KIRREL3: variants seen among roughly 807,000 people sequenced by gnomAD.
KIRREL3 encodes kirre like nephrin family adhesion molecule 3.
A neutral mutation model predicts 89.7 loss-of-function variants in KIRREL3; 36 were observed. That is an observed-to-expected ratio of 0.40 (90% CI 0.31 to 0.53). The LOEUF (loss-of-function observed/expected upper bound fraction) is 0.53. Among genes scored for constraint, KIRREL3 ranks in the 20% least tolerant of loss-of-function variants. KIRREL3 has a pLI of 0.49. For synonymous variants in KIRREL3, 445 were observed against 441.4 expected (o/e 1.01, Z -0.10); for missense variants, 864 against 1,056.6 (o/e 0.82, Z 2.53).
rs6144553 is a variant in KIRREL3, at chr11:126,821,329, G to GTATATATATATATATA, written c.55+179110_55+179125dup. On this transcript the variant is annotated intron_variant, in intron 1 of 16. Coordinates refer to ENST00000525144, the MANE Select transcript of KIRREL3 (RefSeq NM_032531.4). ...TTTCATGGGTCAACGGATAAACACA[G>GTATATATATATATATA]TATATATATATATATATATATATGT... is the stretch of plus-strand genomic sequence containing the variant. Among the ~76,000 whole-genome samples the GTATATATATATATATA allele has an allele frequency of 5.8e-4, 60 of 103,520 alleles. 3 individuals are homozygous for GTATATATATATATATA. The Middle Eastern group carries it at 0.015, about 26-fold the overall frequency. The allele number at this position is 103,520 out of a possible 152,430, so 67.9% of individuals were successfully genotyped here.
At chr11:126,775,492 G>T (rs1038800337) in intron 1 of KIRREL3, among the ~76,000 whole-genome samples, 2 of 151,996 alleles carry the variant, frequency 1.3e-5, no homozygotes, top group African/African-American at 4.8e-5. Flanking sequence ...TTTCATCCCC[G>T]TGACGACAGG....
chr11:126,517,584 G>A (rs1399129550), intron 4 of KIRREL3, among the ~76,000 whole-genome samples: 1 of 152,174 alleles, frequency 6.6e-6, no homozygotes, highest in African/African-American at 2.4e-5. Flanking sequence ...ACTTGGAGAG[G>A]TCCTATCTCC....
chr11:126,673,859 G>T (rs184286691), intron 1 of KIRREL3, among the ~76,000 whole-genome samples: 1 of 152,336 alleles, frequency 6.6e-6, no homozygotes, highest in Admixed American at 6.5e-5. Context: ...GGGTTTTTGC[G>T]TGAGTTAAAC....
rs563659008 is a variant in KIRREL3, at chr11:126,615,151, T to G, written c.56-52239A>C. Among the ~76,000 whole-genome samples, 4 of 152,110 alleles carry G rather than the reference T, an allele frequency of 2.6e-5. No individual in the cohort carries two copies. Among genetic ancestry groups the G allele is most frequent in the African/African-American group, 9.7e-5 (4 of 41,412 alleles). Reference sequence around the variant, plus strand: ...GGTGCATTATGAGGAAGAATTGTAATGTAGAGCTGTGCTTCATATTCCCCG... The same window carrying G: ...GGTGCATTATGAGGAAGAATTGTAAGGTAGAGCTGTGCTTCATATTCCCCG... On this transcript the variant is annotated intron_variant, in intron 1 of 16. Coordinates refer to ENST00000525144, the MANE Select transcript of KIRREL3 (RefSeq NM_032531.4). This position sits in a 1 kb window ranked among gnomAD's most constrained non-coding sequence, Gnocchi z 5.4.
At chr11:126,756,450 C>A (rs751338288) in intron 1 of KIRREL3, among the ~76,000 whole-genome samples, 1 of 152,264 alleles carries the variant, frequency 6.6e-6, no homozygotes, top group Non-Finnish European at 1.5e-5. Flanking sequence ...GGCTTCAGTA[C>A]AAGGCCCATG....
intron 1 of KIRREL3, among the ~76,000 whole-genome samples, chr11:126,722,734 A>G (rs1480437858): frequency 6.6e-6 from 1 of 152,230 alleles, no homozygotes; most frequent in East Asian, 1.9e-4. Flanking sequence ...CTTCCCCACT[A>G]GAATGTAAGC....
intron 1 of KIRREL3, among the ~76,000 whole-genome samples, chr11:126,878,113 G>C (rs1945359197): frequency 1.3e-5 from 2 of 152,150 alleles, no homozygotes; most frequent in Admixed American, 6.5e-5. Flanking sequence ...TACGTTGATG[G>C]AAGACAGATA....
chr11:126,602,211 C>T (rs966893723), intron 1 of KIRREL3, among the ~76,000 whole-genome samples: 2 of 152,202 alleles, frequency 1.3e-5, no homozygotes, highest in African/African-American at 4.8e-5. Flanking sequence ...AAGAAGGGAG[C>T]TCATTGTGTG....
intron 1 of KIRREL3, among the ~76,000 whole-genome samples, chr11:126,799,913 C>T (rs10790830): frequency 0.23 from 34,351 of 152,088 alleles, 4,520 homozygotes; most frequent in East Asian, 0.46. Flanking sequence ...TGCTGGGACT[C>T]AGGGAAGGCA....
chr11:126,532,579 T>A (rs1316680429), intron 2 of KIRREL3, among the ~76,000 whole-genome samples: 1 of 152,166 alleles, frequency 6.6e-6, no homozygotes, highest in African/African-American at 2.4e-5. Context: ...TTTCACCATG[T>A]TGGCCAGACT....
At chr11:126,878,544 G>C (rs1183290573) in intron 1 of KIRREL3, among the ~76,000 whole-genome samples, 4 of 151,886 alleles carry the variant, frequency 2.6e-5, no homozygotes, top group Non-Finnish European at 4.4e-5. Flanking sequence ...TTTTCTAACA[G>C]TGCGATTTTT....
In KIRREL3 at chr11:126,489,145, G is replaced by A. The variant is rs1292807735; in HGVS notation, c.434-15679C>T. Among the ~76,000 whole-genome samples the A allele has an allele frequency of 6.6e-6, 1 of 152,186 alleles. No individual in the cohort carries two copies. The highest frequency in any genetic ancestry group is 6.5e-5 in the Admixed American group (1 of 15,282). On this transcript the variant is annotated intron_variant, in intron 4 of 16. Transcript: ENST00000525144. The surrounding 1 kb of genome is among the most constrained non-coding windows in gnomAD (Gnocchi z 5.5). ...GGGCTCAGCCTGGGACCTCAGCATG[G>A]GGCTGAGCAGGACGGAAGCTGTAGA...
Position 126,696,991 on chromosome 11 carries a change from A to T in KIRREL3, c.56-134079T>A, listed in dbSNP as rs1321161716. Among the ~76,000 whole-genome samples, 2 of 152,176 alleles carry T rather than the reference A, an allele frequency of 1.3e-5. No homozygotes were observed. The highest frequency in any genetic ancestry group is 1.9e-4 in the East Asian group (1 of 5,204). Reference sequence around the variant, plus strand: ...TAATGCACTTAAACATGACAAAAAAAATGCACTAAATAAGTGTCATCTCCT... The same window carrying T: ...TAATGCACTTAAACATGACAAAAAATATGCACTAAATAAGTGTCATCTCCT... On this transcript the variant is annotated intron_variant, in intron 1 of 16. Transcript: ENST00000525144. The surrounding 1 kb of genome is among the most constrained non-coding windows in gnomAD (Gnocchi z 4.4).
At chr11:126,572,020 G>A (rs1258096920) in intron 1 of KIRREL3, among the ~76,000 whole-genome samples, 1 of 152,220 alleles carries the variant, frequency 6.6e-6, no homozygotes, top group Non-Finnish European at 1.5e-5. Context: ...ACAGAAAGTT[G>A]GAAGTCGTGA....
chr11:126,849,364 G>GC (rs1172028175), intron 1 of KIRREL3, among the ~76,000 whole-genome samples: 3 of 152,186 alleles, frequency 2.0e-5, no homozygotes, highest in African/African-American at 7.2e-5. Flanking sequence ...GCAACCAGCA[G>GC]CCCTTGGGGC....
At chr11:126,822,592 T>C (rs2134457562) in intron 1 of KIRREL3, among the ~76,000 whole-genome samples, 1 of 152,330 alleles carries the variant, frequency 6.6e-6, no homozygotes, top group East Asian at 1.9e-4. Context: ...CCCCAAAACT[T>C]AGTGGCTTTA....
chr11:126,713,551 C>T (rs566889436), intron 1 of KIRREL3, among the ~76,000 whole-genome samples: 140 of 152,246 alleles, frequency 9.2e-4, no homozygotes, highest in Non-Finnish European at 1.7e-3. Context: ...CAGGGCTGCG[C>T]TGCCTGAGGT....
rs1344264247 is a variant in KIRREL3, at chr11:126,531,962, C to A, written c.134-5275G>T. ...GCTTTTGCATTATGAACTACTAACCCGGCAGATACTGTTCAGAGCACACCA... is the reference window on the plus strand; with the variant it reads ...GCTTTTGCATTATGAACTACTAACCAGGCAGATACTGTTCAGAGCACACCA... On this transcript the variant is annotated intron_variant, in intron 2 of 16. Coordinates refer to ENST00000525144, the MANE Select transcript of KIRREL3 (RefSeq NM_032531.4). This position sits in a 1 kb window ranked among gnomAD's most constrained non-coding sequence, Gnocchi z 4.7. Among the ~76,000 whole-genome samples the A allele has an allele frequency of 6.6e-6, 1 of 152,098 alleles. No individual in the cohort carries two copies. Among genetic ancestry groups the A allele is most frequent in the Non-Finnish European group, 1.5e-5 (1 of 68,042 alleles).
At position 126,783,161 on chromosome 11, in the gene KIRREL3, G is replaced by A. The variant is rs1379600258; in HGVS notation, c.55+217294C>T. 2.0e-5 allele frequency among the ~76,000 whole-genome samples: 3 copies of A among 152,196 alleles called. No homozygotes were observed. Among genetic ancestry groups the A allele is most frequent in the African/African-American group, 4.8e-5 (2 of 41,452 alleles). ...GTGTCTGCAGAGCCATGCTTCCCCT[G>A]AAACCTGGAGGAGAGAATCCTTCCT... On this transcript the variant is annotated intron_variant, in intron 1 of 16. Transcript: ENST00000525144. This position sits in a 1 kb window ranked among gnomAD's most constrained non-coding sequence, Gnocchi z 4.3.
Sources: gnomAD v4.1 joint callset for allele counts (sites outside exome capture counted in the v4.1 genomes callset) on GRCh38, gnomAD v4.1.1 for gene constraint, Gnocchi (gnomAD v3.1) non-coding constraint, MANE v1.5 for transcripts, NCBI Gene and HGNC (gene_info 2026-07-23, HGNC 2026-07-21) for gene names.